Variants in VIL1 observed in about 807,000 individuals in gnomAD.
VIL1 encodes the protein villin 1.
VIL1 carries 86 observed loss-of-function variants against 104.0 expected under a neutral mutation model. The observed-to-expected ratio is 0.83, with a 90% confidence interval of 0.69 to 0.99. The LOEUF (loss-of-function observed/expected upper bound fraction) is 0.99. VIL1 is among the 50% of genes least tolerant of loss of function. VIL1 has a pLI of 0.00. For missense variants in VIL1, 944 were observed against 1,054.1 expected (o/e 0.90, Z 1.45); for synonymous variants, 394 against 412.6 (o/e 0.95, Z 0.55).
Position 218,428,077 on chromosome 2 carries a change from G to A in VIL1, c.456+4G>A. The A allele has an allele frequency of 1.9e-6, 3 of 1,614,048 alleles. No homozygotes were observed. Among genetic ancestry groups the A allele is most frequent in the Non-Finnish European group, 2.5e-6 (3 of 1,179,924 alleles). On this transcript the variant is annotated splice_donor_region_variant and intron_variant, in intron 5 of 19. Transcript: ENST00000248444. The stretch of plus-strand genomic sequence containing the variant: ...GAGGAACGTGGTAGCTGGAGAGGTA[G>A]GCAGGCCCCACTGGAGCATCGGCCA...
At chr2:218,431,138 C>T (rs1179962681) in intron 10 of VIL1, 1 of 563,592 alleles carries the variant, frequency 1.8e-6, no homozygotes, top group African/African-American at 1.9e-5. Flanking sequence ...CACCTGAGGT[C>T]AGGAGTTTGA....
rs71064447 is a variant in VIL1, at chr2:218,420,428, C to CAAA, written c.-12+1277_-12+1279dup. Among the ~76,000 whole-genome samples, 57 of 80,072 alleles carry CAAA rather than the reference C, an allele frequency of 7.1e-4. 1 individual carries two copies. The highest frequency in any genetic ancestry group is 8.2e-3 in the Middle Eastern group (1 of 122). The allele number at this position is 80,072 out of a possible 152,430, so 52.5% of individuals were successfully genotyped here. ...TGGGTGACAGAGTGAGACTCTGTCTCAAAAAAAAAAAAAAAAAAAGAAAAG... is the reference window on the plus strand; with the variant it reads ...TGGGTGACAGAGTGAGACTCTGTCTCAAAAAAAAAAAAAAAAAAAAAAGAAAAG... On this transcript the variant is annotated intron_variant, in intron 1 of 19. Transcript: ENST00000248444.
At chr2:218,441,935 C>T (rs1689290828) in intron 19 of VIL1, among the ~76,000 whole-genome samples, 1 of 151,944 alleles carries the variant, frequency 6.6e-6, no homozygotes, top group Non-Finnish European at 1.5e-5. Flanking sequence ...TGCAGTGAGC[C>T]GAGATTTCAC....
intron 16 of VIL1, 140 bp downstream of exon 16, chr2:218,436,766 G>T: frequency 8.9e-7 from 1 of 1,126,168 alleles, no homozygotes. Context: ...ATGAACACCA[G>T]AAGTGTAAGA....
Position 218,449,225 on chromosome 2 carries a change from AC to A in VIL1, c.2374del (p.His792ThrfsTer13), listed in dbSNP as rs1689424342. On this transcript the variant is annotated frameshift_variant, in exon 20 of 20. Coordinates refer to ENST00000248444, the MANE Select transcript of VIL1 (RefSeq NM_007127.3). LOFTEE classifies it high-confidence loss of function. ...CTCTGGTCCCTCTCTTCTTCTAGGAACACCTGTCCATTGAAGATTTCACTCA... is the reference window on the plus strand; with the variant it reads ...CTCTGGTCCCTCTCTTCTTCTAGGAAACCTGTCCATTGAAGATTTCACTCA... Reference protein sequence around the residue: ...EGVDPSRKEEHLSIEDFTQAF... With the variant: ...EGVDPSRKEEXLSIEDFTQAF... 6 of 1,612,968 alleles carry A rather than the reference AC, an allele frequency of 3.7e-6. No individual in the cohort carries two copies. The highest frequency in any genetic ancestry group is 1.7e-5 in the Admixed American group (1 of 59,986).
chr2:218,438,822 G>C, intron 18 of VIL1, 96 bp downstream of exon 18: 2 of 1,006,206 alleles, frequency 2.0e-6, no homozygotes, highest in Non-Finnish European at 3.0e-6. Flanking sequence ...CCAGAGTCCT[G>C]TGCTTTCCCT....
chr2:218,423,736 G>T, intron 1 of VIL1, 32 bp from the exon 2 acceptor site: 1 of 1,610,192 alleles, frequency 6.2e-7, no homozygotes, highest in Non-Finnish European at 8.5e-7. Flanking sequence ...CCGAACTCAG[G>T]GTGCCCCTGC....
intron 4 of VIL1, among the ~76,000 whole-genome samples, chr2:218,427,402 C>T: frequency 6.6e-6 from 1 of 151,048 alleles, no homozygotes; most frequent in Admixed American, 6.6e-5. Context: ...CGGCTCACTG[C>T]AAACCTCCGC....
chr2:218,425,538 G>T, intron 3 of VIL1, 77 bp from the exon 4 acceptor site: 3 of 1,474,672 alleles, frequency 2.0e-6, no homozygotes, highest in Non-Finnish European at 2.8e-6. Context: ...TGGACGGCAC[G>T]TGTGTGGGAG....
chr2:218,439,016 C>T (rs1026383266), intron 18 of VIL1, among the ~76,000 whole-genome samples: 1 of 150,900 alleles, frequency 6.6e-6, no homozygotes, highest in African/African-American at 2.4e-5. Flanking sequence ...CTGCAACCTC[C>T]ACCTCCTGGG....
rs1483806970 is a variant in VIL1 at position 218,432,169 on chromosome 2, C to T, written c.1327C>T (p.Leu443Phe). The change falls in exon 12 of 20, where the codon CTC becomes TTC. Residue 443 changes from leucine (L) to phenylalanine (F), a missense_variant. Physicochemically the swap from Leu to Phe is conservative, Grantham distance 22. Coordinates refer to ENST00000248444, the MANE Select transcript of VIL1 (RefSeq NM_007127.3). ...CATCGGCGAGAAGCAGCATTACCTGCTCTACGTTTGGCAGGTCAGGTCCCG... is the reference window on the plus strand; with the variant it reads ...CATCGGCGAGAAGCAGCATTACCTGTTCTACGTTTGGCAGGTCAGGTCCCG... ...YLIGEKQHYLLYVWQGSQASQ... is the reference protein window; with the variant it reads ...YLIGEKQHYLFYVWQGSQASQ... 6.2e-7 allele frequency: 1 copy of T among 1,613,388 alleles called. No homozygotes were observed. Among genetic ancestry groups the T allele is most frequent in the Non-Finnish European group, 8.5e-7 (1 of 1,179,802 alleles).
At chr2:218,434,924 G>C (rs150823606) in intron 14 of VIL1, among the ~76,000 whole-genome samples, 1 of 152,082 alleles carries the variant, frequency 6.6e-6, no homozygotes, top group East Asian at 1.9e-4. Flanking sequence ...CCTCTCTGTC[G>C]GAGTCAGTCT....
intron 13 of VIL1, among the ~76,000 whole-genome samples, chr2:218,433,644 C>G (rs1008165719): frequency 6.6e-6 from 1 of 152,054 alleles, no homozygotes; most frequent in Non-Finnish European, 1.5e-5. Flanking sequence ...TGGTGGTTCA[C>G]GCCTGTAATC....
chr2:218,440,646 A>G, intron 18 of VIL1, 76 bp from the exon 19 acceptor site: 1 of 1,587,560 alleles, frequency 6.3e-7, no homozygotes, highest in South Asian at 1.1e-5. Flanking sequence ...TGCCCTAGAG[A>G]CTTCAGAGAG....
chr2:218,426,810 G>A (rs1191830481), intron 4 of VIL1, among the ~76,000 whole-genome samples: 1 of 151,564 alleles, frequency 6.6e-6, no homozygotes, highest in Non-Finnish European at 1.5e-5. Flanking sequence ...CACCGTGTTA[G>A]CCAGGATGGT....
At position 218,425,682 on chromosome 2, in the gene VIL1, A is replaced by T; in HGVS notation, c.218A>T (p.Asp73Val). 6.2e-7 allele frequency: 1 copy of T among 1,614,168 alleles called. No homozygotes were observed. Among genetic ancestry groups the T allele is most frequent in the Non-Finnish European group, 8.5e-7 (1 of 1,180,026 alleles). ...HYWIGQDSSL[D>V]EQGAAAIYTT... ...TGGATTGGCCAGGACTCATCCCTGGATGAGCAGGGGGCAGCTGCCATCTAC... is the reference window on the plus strand; with the variant it reads ...TGGATTGGCCAGGACTCATCCCTGGTTGAGCAGGGGGCAGCTGCCATCTAC... Residue 73 changes from aspartate to valine, a missense_variant, in exon 4 of 20, where the codon GAT becomes GTT. Transcript: ENST00000248444.
At position 218,429,873 on chromosome 2, in the gene VIL1, G is replaced by T. The variant is rs762646492; in HGVS notation, c.874G>T (p.Gly292Cys). ...GGACTGTTACATCCTGGACCAGGGG[G>T]GCCTGAAGATCTACGTGTGGAAAGG... ...HEDCYILDQGGLKIYVWKGKK... is the reference protein window; with the variant it reads ...HEDCYILDQGCLKIYVWKGKK... The change falls in exon 9 of 20, where the codon GGC (glycine) becomes TGC (cysteine). Residue 292 changes from glycine (G) to cysteine (C), a missense_variant. Physicochemically the swap from Gly to Cys is radical, Grantham distance 159. Coordinates refer to ENST00000248444, the MANE Select transcript of VIL1 (RefSeq NM_007127.3). 1.2e-6 allele frequency: 2 copies of T among 1,613,916 alleles called. No homozygotes were observed. Among genetic ancestry groups the T allele is most frequent in the South Asian group, 2.2e-5 (2 of 91,054 alleles).
chr2:218,446,381 C>T (rs1689363762), intron 19 of VIL1, among the ~76,000 whole-genome samples: 1 of 152,062 alleles, frequency 6.6e-6, no homozygotes, highest in Non-Finnish European at 1.5e-5. Flanking sequence ...AATACAGGTT[C>T]CCACCATCAT....
intron 14 of VIL1, 103 bp from the exon 15 acceptor site, chr2:218,435,186 C>A (rs1689167577): frequency 2.6e-6 from 4 of 1,513,932 alleles, no homozygotes; most frequent in Non-Finnish European, 3.6e-6. Flanking sequence ...AAGGTCCTGA[C>A]CCAGGAGAGC....
Sources: gnomAD v4.1 joint callset for allele counts (sites outside exome capture counted in the v4.1 genomes callset) on GRCh38, gnomAD v4.1.1 for gene constraint, MANE v1.5 for transcripts, NCBI Gene and HGNC (gene_info 2026-07-23, HGNC 2026-07-21) for gene names.